The following PPP2R2B variants were observed in gnomAD, a reference collection of about 807,000 sequenced individuals.
The protein encoded by PPP2R2B is protein phosphatase 2 regulatory subunit Bbeta.
In PPP2R2B, 5 loss-of-function variants were observed where a neutral mutation model predicts 46.0. The ratio of observed to expected loss-of-function variants is 0.11; its 90% CI spans 0.06 to 0.23. The LOEUF (loss-of-function observed/expected upper bound fraction) is 0.23. Among genes scored for constraint, PPP2R2B ranks in the 10% least tolerant of loss-of-function variants. The probability of loss-of-function intolerance (pLI) is 1.00; values close to 1 mark genes in which losing one functional copy is unlikely to be tolerated. For synonymous variants in PPP2R2B, 215 were observed against 206.7 expected (o/e 1.04, Z -0.34); for missense variants, 367 against 575.0 (o/e 0.64, Z 3.70).
chr5:146,838,903 G>A (rs183499510), intron 2 of PPP2R2B, among the ~76,000 whole-genome samples: 2 of 152,300 alleles, frequency 1.3e-5, no homozygotes, highest in East Asian at 3.9e-4. Context: ...TAGAGGTTTA[G>A]CCCAGTCTTC....
chr5:146,641,503 ATTTTTTTTTTTT>A lies in PPP2R2B; in HGVS notation c.626-3100_626-3089del, dbSNP rs61445378. On this transcript the variant is annotated intron_variant, in intron 6 of 9. Transcript: ENST00000394411. ...AATCAGAATTTTTATGTGCTCTAAG[ATTTTTTTTTTTT>A]TTTTTTTTTTTTTTGAAGCAGAATT... is the stretch of plus-strand genomic sequence containing the variant. 4.9e-3 allele frequency among the ~76,000 whole-genome samples: 631 copies of A among 128,580 alleles called. 9 individuals carry two copies. The highest frequency in any genetic ancestry group is 0.018 in the African/African-American group (569 of 31,670). 84.4% of individuals were successfully genotyped at this position (128,580 alleles called of 152,430 possible).
intron 1 of PPP2R2B, among the ~76,000 whole-genome samples, chr5:147,044,314 G>A (rs1228919031): frequency 6.6e-6 from 1 of 152,124 alleles, no homozygotes; most frequent in Non-Finnish European, 1.5e-5. Context: ...TTGAGAGGGA[G>A]CAATCTCTCT....
intron 1 of PPP2R2B, among the ~76,000 whole-genome samples, chr5:147,021,084 G>A (rs983278124): frequency 2.0e-5 from 3 of 152,096 alleles, no homozygotes; most frequent in Non-Finnish European, 4.4e-5. Flanking sequence ...GGGGTAACTG[G>A]TACCAGACTA....
At chr5:147,032,880 G>A (rs1049376631) in intron 1 of PPP2R2B, among the ~76,000 whole-genome samples, 1 of 152,086 alleles carries the variant, frequency 6.6e-6, no homozygotes, top group Non-Finnish European at 1.5e-5. Context: ...ACCCAGTTGT[G>A]GGATTTCTGG....
Position 146,641,503 on chromosome 5 carries a change from A to ATTTTTTTTTTTTTTTTTTT in PPP2R2B, c.626-3107_626-3089dup, listed in dbSNP as rs61445378. Reference sequence around the variant, plus strand: ...AATCAGAATTTTTATGTGCTCTAAGATTTTTTTTTTTTTTTTTTTTTTTTT... The same window carrying ATTTTTTTTTTTTTTTTTTT: ...AATCAGAATTTTTATGTGCTCTAAGATTTTTTTTTTTTTTTTTTTTTTTTTTTTTTTTTTTTTTTTTTTT... On this transcript the variant is annotated intron_variant, in intron 6 of 9. Transcript: ENST00000394411. Among the ~76,000 whole-genome samples, 2 of 128,556 alleles carry ATTTTTTTTTTTTTTTTTTT rather than the reference A, an allele frequency of 1.6e-5. 1 individual carries two copies. The highest frequency in any genetic ancestry group is 6.3e-5 in the African/African-American group (2 of 31,598). The allele number at this position is 128,556 out of a possible 152,430, so 84.3% of individuals were successfully genotyped here.
intron 2 of PPP2R2B, among the ~76,000 whole-genome samples, chr5:146,836,994 A>T (rs149772442): frequency 9.6e-4 from 147 of 152,346 alleles, no homozygotes; most frequent in African/African-American, 3.4e-3. Context: ...TACGCCAACA[A>T]CTAGCAGCAC....
chr5:146,816,326 G>A (rs562195066), intron 2 of PPP2R2B, among the ~76,000 whole-genome samples: 2 of 152,206 alleles, frequency 1.3e-5, no homozygotes, highest in African/African-American at 2.4e-5. Flanking sequence ...CTTGAGCCCA[G>A]GAGGCTGAGG....
intron 1 of PPP2R2B, among the ~76,000 whole-genome samples, chr5:146,935,118 G>T (rs914357654): frequency 6.6e-6 from 1 of 152,184 alleles, no homozygotes; most frequent in Admixed American, 6.6e-5. Flanking sequence ...ATCTATCTGT[G>T]CCTCTCAAAA....
chr5:146,881,518 G>A (rs922274744), upstream of PPP2R2B, among the ~76,000 whole-genome samples: 8 of 152,058 alleles, frequency 5.3e-5, no homozygotes, highest in Non-Finnish European at 1.2e-4. Context: ...GTTCAAGTGA[G>A]TCTCATGCGT....
chr5:146,868,277 G>T (rs949496086), intron 2 of PPP2R2B, among the ~76,000 whole-genome samples: 2 of 152,256 alleles, frequency 1.3e-5, no homozygotes, highest in Non-Finnish European at 2.9e-5. Context: ...TTGGCAAAGA[G>T]AAGTTTCCCT....
At chr5:146,891,923 CA>C (rs1327430394) in intron 1 of PPP2R2B, among the ~76,000 whole-genome samples, 2 of 152,280 alleles carry the variant, frequency 1.3e-5, no homozygotes, top group East Asian at 3.9e-4. Flanking sequence ...TTAAACCAAG[CA>C]CAGGACCCTT....
chr5:146,783,985 C>T (rs1358178966), intron 2 of PPP2R2B, among the ~76,000 whole-genome samples: 1 of 152,116 alleles, frequency 6.6e-6, no homozygotes, highest in Non-Finnish European at 1.5e-5. Flanking sequence ...GCACGTAATT[C>T]CCAGACCTAC....
chr5:146,967,161 A>G lies in PPP2R2B; in HGVS notation c.79+88504T>C, dbSNP rs184267098. ...TTTTCACTGCAACATACTGCCCTCTATTAGATACATGGATAAAAAAGGGCT... is the reference window on the plus strand; with the variant it reads ...TTTTCACTGCAACATACTGCCCTCTGTTAGATACATGGATAAAAAAGGGCT... On this transcript the variant is annotated intron_variant, in intron 1 of 8. Transcript: ENST00000336640. Among the ~76,000 whole-genome samples the G allele has an allele frequency of 9.2e-4, 140 of 152,292 alleles. 1 individual carries two copies. The highest frequency in any genetic ancestry group is 3.1e-3 in the African/African-American group (129 of 41,556).
upstream of PPP2R2B, among the ~76,000 whole-genome samples, chr5:146,882,895 G>A (rs1024521304): frequency 2.0e-5 from 3 of 152,156 alleles, no homozygotes; most frequent in African/African-American, 7.2e-5. Flanking sequence ...GCCTTCTTAT[G>A]TTACCCAGTT....
rs146047296 is a variant in PPP2R2B, at chr5:146,903,595, G to A, written c.79+152070C>T. On this transcript the variant is annotated intron_variant, in intron 1 of 8. Coordinates refer to the PPP2R2B transcript ENST00000336640. Reference sequence around the variant, plus strand: ...ATATTTTTTGTTGAGATGGGGTTTCGCCATGTTGCCTGGACTGGTCTCAAA... The same window carrying A: ...ATATTTTTTGTTGAGATGGGGTTTCACCATGTTGCCTGGACTGGTCTCAAA... Among the ~76,000 whole-genome samples, 194 of 151,844 alleles carry A rather than the reference G, an allele frequency of 1.3e-3. 3 individuals carry two copies. The East Asian group carries it at 0.02, about 16-fold the overall frequency.
intron 1 of PPP2R2B, among the ~76,000 whole-genome samples, chr5:146,895,334 T>G (rs184269641): frequency 2.0e-5 from 3 of 152,354 alleles, no homozygotes; most frequent in Admixed American, 2.0e-4. Context: ...ACCAAGTGTC[T>G]CCTTCATTAC....
At chr5:146,778,293 G>T (rs940535023) in intron 2 of PPP2R2B, among the ~76,000 whole-genome samples, 1 of 152,116 alleles carries the variant, frequency 6.6e-6, no homozygotes, top group Non-Finnish European at 1.5e-5. Context: ...ATTCAGAGTG[G>T]AACAGATTCC....
At chr5:147,046,872 G>A (rs1756568385) in intron 1 of PPP2R2B, among the ~76,000 whole-genome samples, 1 of 152,048 alleles carries the variant, frequency 6.6e-6, no homozygotes, top group Non-Finnish European at 1.5e-5. Flanking sequence ...CCTCTGCTAA[G>A]TTCCTTATGG....
intron 1 of PPP2R2B, among the ~76,000 whole-genome samples, chr5:146,995,241 C>A (rs760087769): frequency 3.4e-4 from 51 of 152,182 alleles, no homozygotes; most frequent in Non-Finnish European, 5.3e-4. Context: ...AATCAGTATT[C>A]ATATTAAGAT....
Sources: allele counts gnomAD v4.1 joint callset (sites outside exome capture counted in the v4.1 genomes callset), GRCh38; gene constraint gnomAD v4.1.1; transcripts MANE v1.5; gene names NCBI Gene and HGNC (gene_info 2026-07-23, HGNC 2026-07-21).